Variants in LMOD2 observed in about 807,000 individuals in gnomAD.
The protein encoded by LMOD2 is leiomodin 2, also known as leiomodin-2.
A neutral mutation model predicts 41.7 loss-of-function variants in LMOD2; 27 were observed. The ratio of observed to expected loss-of-function variants is 0.65; its 90% CI spans 0.48 to 0.89. The LOEUF (loss-of-function observed/expected upper bound fraction) is 0.89, where lower values mean the gene tolerates loss of function less well. LMOD2 is among the 40% of genes least tolerant of loss of function. LMOD2 has a pLI of 0.00. For missense variants in LMOD2, 624 were observed against 667.9 expected (o/e 0.93, Z 0.72); for synonymous variants, 251 against 244.6 (o/e 1.03, Z -0.25).
At position 123,663,806 on chromosome 7, in the gene LMOD2, G is replaced by T; in HGVS notation, c.*61G>T. On this transcript the variant is annotated 3_prime_UTR_variant, in exon 3 of 3. Transcript: ENST00000458573. The stretch of plus-strand genomic sequence containing the variant: ...AGTGGTATTACATGAAATGCATTGT[G>T]AGATGTTTCTAAAATACCTTCTTCA... 7.2e-7 allele frequency: 1 copy of T among 1,382,534 alleles called. No homozygotes were observed. Among genetic ancestry groups the T allele is most frequent in the South Asian group, 1.3e-5 (1 of 77,386 alleles). 85.6% of individuals were successfully genotyped at this position (1,382,534 alleles called of 1,614,324 possible). A position where few individuals can be genotyped will look rare whatever the true frequency, so the allele number is the denominator to read the frequency against.
In LMOD2 at chr7:123,662,860, C is replaced by T. The variant is rs1303922343; in HGVS notation, c.1274C>T (p.Pro425Leu). The T allele has an allele frequency of 6.3e-6, 10 of 1,582,118 alleles. No homozygotes were observed. The South Asian group carries it at 8.0e-5, about 13-fold the overall frequency. The change falls in exon 2 of 3, where the codon CCC becomes CTC. Residue 425 changes from proline (P) to leucine (L), a missense_variant. By Grantham distance (98) the Pro-to-Leu change is moderately conservative. Coordinates refer to ENST00000458573, the MANE Select transcript of LMOD2 (RefSeq NM_207163.3). The surrounding 1 kb of genome is among the most constrained non-coding windows in gnomAD (Gnocchi z 4.0). ...LSPVATPPPP[P>L]PPPPPPPPSS... ...CCTGTGGCCACACCTCCTCCTCCTC[C>T]CCCTCCTCCTCCTCCTCCCCCTCCT...
rs117204250 is a variant in LMOD2, at chr7:123,661,187, C to T, written c.274-673C>T. On this transcript the variant is annotated intron_variant, in intron 1 of 2. Transcript: ENST00000458573. Reference sequence around the variant, plus strand: ...ATAAGGGACAGCTACAGAGGCAGCTCTCAGGTGATTCAGAGAGTCTTCTGT... The same window carrying T: ...ATAAGGGACAGCTACAGAGGCAGCTTTCAGGTGATTCAGAGAGTCTTCTGT... 4.8e-3 allele frequency among the ~76,000 whole-genome samples: 727 copies of T among 152,308 alleles called. 17 individuals are homozygous for T. Among genetic ancestry groups the T allele is most frequent in the Admixed American group, 0.029 (439 of 15,302 alleles).
rs1802879926 is a variant in LMOD2, at chr7:123,661,917, G to A, written c.331G>A (p.Glu111Lys). ...EELIFTESNS[E>K]VSEEVYTEEE... ...GCTTATCTTTACTGAAAGTAACAGT[G>A]AGGTTTCTGAGGAAGTGTATACAGA... Residue 111 changes from glutamate to lysine, a missense_variant, in exon 2 of 3, where the codon GAG (glutamate) becomes AAG (lysine). Transcript: ENST00000458573. 1 of 1,550,274 alleles carries A rather than the reference G, an allele frequency of 6.5e-7. No individual in the cohort carries two copies.
At chr7:123,661,628 CT>C (rs1488551299) in intron 1 of LMOD2, among the ~76,000 whole-genome samples, 1 of 152,080 alleles carries the variant, frequency 6.6e-6, no homozygotes, top group Non-Finnish European at 1.5e-5. Context: ...AAGTTGAATT[CT>C]GGATATTCTG....
rs1248572048 is a variant in LMOD2 at position 123,662,051 on chromosome 7, T to C, written c.465T>C (p.Ser155=). Residue 155 remains serine, a synonymous_variant, in exon 2 of 3, where the codon AGT becomes AGC. Transcript: ENST00000458573. This position sits in a 1 kb window ranked among gnomAD's most constrained non-coding sequence, Gnocchi z 4.0. ...KGINGTVNYD[S]VNSDNSKPKI... is the part of the protein sequence containing the mutation. ...TTAATGGAACTGTAAATTATGATAG[T>C]GTCAATTCTGACAACTCTAAGCCAA... 6.3e-7 allele frequency: 1 copy of C among 1,594,508 alleles called. No individual in the cohort carries two copies. The highest frequency in any genetic ancestry group is 8.5e-7 in the Non-Finnish European group (1 of 1,169,722).
At chr7:123,661,227 C>G (rs889705741) in intron 1 of LMOD2, among the ~76,000 whole-genome samples, 1 of 152,190 alleles carries the variant, frequency 6.6e-6, no homozygotes, top group African/African-American at 2.4e-5. Context: ...GAGCCCTGTG[C>G]CGGGCTCTAC....
intron 1 of LMOD2, among the ~76,000 whole-genome samples, chr7:123,661,346 G>A (rs547047429): frequency 1.3e-5 from 2 of 152,332 alleles, no homozygotes; most frequent in Admixed American, 1.3e-4. Flanking sequence ...ATCTGCTATG[G>A]ATGGAAAATT....
chr7:123,661,864 C>A lies in LMOD2; in HGVS notation c.278C>A (p.Ala93Glu), dbSNP rs2116736939. The change falls in exon 2 of 3, where the codon GCA (alanine) becomes GAA (glutamate). Residue 93 changes from alanine to glutamate, a missense_variant. Physicochemically the swap from Ala to Glu is moderately radical, Grantham distance 107. Coordinates refer to ENST00000458573, the MANE Select transcript of LMOD2 (RefSeq NM_207163.3). ...KERLGECGKV[A>E]EDKEESEEEL... ...TGATGATATCATACTCTTTAGGTTG[C>A]AGAAGACAAAGAGGAAAGTGAAGAA... 6.6e-7 allele frequency: 1 copy of A among 1,510,894 alleles called. No individual in the cohort carries two copies. The allele number at this position is 1,510,894 out of a possible 1,614,324, so 93.6% of individuals were successfully genotyped here.
intron 1 of LMOD2, among the ~76,000 whole-genome samples, chr7:123,659,902 C>T (rs568995910): frequency 3.3e-4 from 50 of 152,246 alleles, no homozygotes; most frequent in African/African-American, 1.0e-3. Flanking sequence ...AAGGGGAAAA[C>T]AGATCTTGCA....
chr7:123,662,870 TCCTC>T lies in LMOD2; in HGVS notation c.1286_1289del (p.Pro429LeufsTer64). The T allele has an allele frequency of 8.4e-7, 1 of 1,185,682 alleles. No individual in the cohort carries two copies. 73.4% of individuals were successfully genotyped at this position (1,185,682 alleles called of 1,614,324 possible). The stretch of plus-strand genomic sequence containing the variant: ...CACCTCCTCCTCCTCCCCCTCCTCC[TCCTC>T]CTCCCCCTCCTTCTTCCCAAAGGCT... On this transcript the variant is annotated frameshift_variant, in exon 2 of 3. Transcript: ENST00000458573. LOFTEE classifies it high-confidence loss of function. The surrounding 1 kb of genome is among the most constrained non-coding windows in gnomAD (Gnocchi z 4.0).
At chr7:123,657,169 A>T (rs2896332) in intron 1 of LMOD2, among the ~76,000 whole-genome samples, 113,765 of 152,016 alleles carry the variant, frequency 0.75, 42,893 homozygotes, top group South Asian at 0.83. Context: ...AAATGAGTCA[A>T]TACCAGAAGG....
intron 1 of LMOD2, among the ~76,000 whole-genome samples, chr7:123,657,968 C>A (rs552774258): frequency 2.0e-4 from 27 of 134,708 alleles, no homozygotes; most frequent in African/African-American, 7.3e-4. Context: ...CAGCCTGAGC[C>A]ACAAACCAAA....
rs1024117102 is a variant in LMOD2 at position 123,663,588 on chromosome 7, T to G, written c.1618-131T>G. 6.7e-6 allele frequency: 5 copies of G among 746,922 alleles called. No homozygotes were observed. The South Asian group carries it at 9.0e-5, about 13-fold the overall frequency. The allele number at this position is 746,922 out of a possible 1,614,324, so 46.3% of individuals were successfully genotyped here. A position where few individuals can be genotyped will look rare whatever the true frequency, so the allele number is the denominator to read the frequency against. On this transcript the variant is annotated intron_variant, in intron 2 of 2. Transcript: ENST00000458573. Reference sequence around the variant, plus strand: ...TTATAACATAAAATTTATAATGTGGTAAAAAAATTACCATGCAGCAATAAT... The same window carrying G: ...TTATAACATAAAATTTATAATGTGGGAAAAAAATTACCATGCAGCAATAAT...
Position 123,663,973 on chromosome 7 carries a change from G to A in LMOD2, c.*228G>A, listed in dbSNP as rs1444008834. 2 of 504,712 alleles carry A rather than the reference G, an allele frequency of 4.0e-6. No homozygotes were observed. The highest frequency in any genetic ancestry group is 7.0e-6 in the Non-Finnish European group (2 of 287,118). The allele number at this position is 504,712 out of a possible 1,614,324, so 31.3% of individuals were successfully genotyped here. On this transcript the variant is annotated 3_prime_UTR_variant, in exon 3 of 3. Transcript: ENST00000458573. ...GTGAGATTTGTATTGGCAAGAAGCA[G>A]TTAATTTAAAGATGCTCTTCCTATC...
chr7:123,659,885 A>G (rs919663724), intron 1 of LMOD2, among the ~76,000 whole-genome samples: 1 of 152,188 alleles, frequency 6.6e-6, no homozygotes, highest in Admixed American at 6.5e-5. Flanking sequence ...CTGTCCAGGT[A>G]CATTATAAGG....
rs1297978703 is a variant in LMOD2, at chr7:123,662,944, A to C, written c.1358A>C (p.Lys453Thr). Reference sequence around the variant, plus strand: ...CCCCCTCCTCCACTCCCAGAGAAAAAGCTCATTACCAGAAACATTGCAGAA... The same window carrying C: ...CCCCCTCCTCCACTCCCAGAGAAAACGCTCATTACCAGAAACATTGCAGAA... ...PPPPPPLPEK[K>T]LITRNIAEVI... The change falls in exon 2 of 3, where the codon AAG becomes ACG. Residue 453 changes from lysine (K) to threonine (T), a missense_variant. Transcript: ENST00000458573. This position sits in a 1 kb window ranked among gnomAD's most constrained non-coding sequence, Gnocchi z 4.0. 6.4e-7 allele frequency: 1 copy of C among 1,553,856 alleles called. No homozygotes were observed. Among genetic ancestry groups the C allele is most frequent in the African/African-American group, 1.4e-5 (1 of 72,892 alleles).
intron 1 of LMOD2, among the ~76,000 whole-genome samples, chr7:123,661,014 C>T (rs1230881328): frequency 6.6e-6 from 1 of 152,192 alleles, no homozygotes; most frequent in African/African-American, 2.4e-5. Flanking sequence ...TGGTCTTCTA[C>T]AGTCTGTCTC....
intron 1 of LMOD2, among the ~76,000 whole-genome samples, chr7:123,658,575 C>A (rs1321286007): frequency 6.6e-6 from 1 of 152,186 alleles, no homozygotes; most frequent in Non-Finnish European, 1.5e-5. Flanking sequence ...CTCCCAGGGA[C>A]CCTAGAATCC....
chr7:123,660,821 A>C (rs1229951333), intron 1 of LMOD2, among the ~76,000 whole-genome samples: 1 of 152,164 alleles, frequency 6.6e-6, no homozygotes, highest in African/African-American at 2.4e-5. Flanking sequence ...TGTAAACAGG[A>C]AAGACAAAGA....
Sources: gnomAD v4.1 joint callset for allele counts (sites outside exome capture counted in the v4.1 genomes callset) on GRCh38, gnomAD v4.1.1 for gene constraint, Gnocchi (gnomAD v3.1) non-coding constraint, MANE v1.5 for transcripts, NCBI Gene and HGNC (gene_info 2026-07-23, HGNC 2026-07-21) for gene names.